Variants in RALGAPB observed in about 807,000 individuals in gnomAD.
RALGAPB encodes the protein Ral GTPase activating protein non-catalytic subunit beta, also known as ral GTPase-activating protein subunit beta.
A neutral mutation model predicts 161.1 loss-of-function variants in RALGAPB; 25 were observed. The ratio of observed to expected loss-of-function variants is 0.16; its 90% CI spans 0.11 to 0.22. The LOEUF is 0.22. Among genes scored for constraint, RALGAPB ranks in the 10% least tolerant of loss-of-function variants. The probability of loss-of-function intolerance (pLI) is 1.00; values close to 1 mark genes in which losing one functional copy is unlikely to be tolerated. For synonymous variants in RALGAPB, 629 were observed against 626.1 expected, an observed-to-expected ratio of 1.00 and a Z score of -0.07; for missense variants, 1,391 against 1,815.2, an observed-to-expected ratio of 0.77 and a Z score of 4.25.
intron 20 of RALGAPB, 147 bp from the exon 21 acceptor site, chr20:38,550,924 T>G: frequency 1.2e-6 from 1 of 866,608 alleles, no homozygotes; most frequent in Non-Finnish European, 1.8e-6. Flanking sequence ...CCTTTGCTGT[T>G]ATCTGTAGCA....
chr20:38,515,005 TTCTC>T (rs562816327), intron 6 of RALGAPB, among the ~76,000 whole-genome samples: 125 of 152,364 alleles, frequency 8.2e-4, no homozygotes, highest in Non-Finnish European at 1.4e-3. Flanking sequence ...GTATGAATCT[TTCTC>T]TCTCCAGTTT....
At chr20:38,549,541 A>ATAT (rs1320905798) in intron 20 of RALGAPB, among the ~76,000 whole-genome samples, 137 of 122,736 alleles carry the variant, frequency 1.1e-3, no homozygotes, top group African/African-American at 3.8e-3. Context: ...ATTAAAAAAA[A>ATAT]AAAAAAAAAT....
chr20:38,568,917 C>A (rs1181717975), intron 26 of RALGAPB: 1 of 152,114 alleles, frequency 6.6e-6, no homozygotes, highest in Non-Finnish European at 1.5e-5. Context: ...CACAGGAGCT[C>A]TTTAAATCTA....
rs745790819 is a variant in RALGAPB, at chr20:38,539,866, T to C, written c.2470T>C (p.Leu824=). The C allele has an allele frequency of 3.1e-6, 5 of 1,614,006 alleles. No homozygotes were observed. The African/African-American group carries it at 6.7e-5, about 22-fold the overall frequency. ...IVYQCSRPAP[L]HSRDLHSMIV... is the part of the protein sequence containing the mutation. ...TTATCAGTGTAGTCGGCCAGCTCCT[T>C]TACACTCCAGGGATCTGCACTCCAT... is the stretch of plus-strand genomic sequence containing the variant. The change falls in exon 17 of 30, where the codon TTA becomes CTA. Residue 824 remains leucine (L), a synonymous_variant. Transcript: ENST00000262879.
chr20:38,497,634 A>G, intron 4 of RALGAPB, 118 bp downstream of exon 4: 1 of 1,109,090 alleles, frequency 9.0e-7, no homozygotes, highest in Non-Finnish European at 1.3e-6. Flanking sequence ...TTTACAAACA[A>G]AGGTTAACAG....
At chr20:38,532,377 T>C (rs1177569758) in intron 14 of RALGAPB, among the ~76,000 whole-genome samples, 2 of 152,130 alleles carry the variant, frequency 1.3e-5, no homozygotes, top group Admixed American at 1.3e-4. Context: ...TTTTTAAGCT[T>C]ATATTTCTGT....
intron 2 of RALGAPB, among the ~76,000 whole-genome samples, chr20:38,489,332 C>G (rs2085209670): frequency 6.6e-6 from 1 of 152,170 alleles, no homozygotes; most frequent in Non-Finnish European, 1.5e-5. Flanking sequence ...ACACATGCCA[C>G]CACGCCAGGC....
intron 7 of RALGAPB, 50 bp downstream of exon 7, chr20:38,516,420 C>T (rs777138186): frequency 1.3e-6 from 2 of 1,517,682 alleles, no homozygotes; most frequent in African/African-American, 2.8e-5. Flanking sequence ...ATTTAGATAA[C>T]TCTAGAGGCT....
intron 6 of RALGAPB, among the ~76,000 whole-genome samples, chr20:38,511,796 C>T (rs1010084565): frequency 3.3e-5 from 5 of 152,196 alleles, no homozygotes; most frequent in Non-Finnish European, 5.9e-5. Context: ...CTTTTCTATT[C>T]GACAAAACCG....
chr20:38,515,782 A>G lies in RALGAPB; in HGVS notation c.873-410A>G, dbSNP rs1454317792. Among the ~76,000 whole-genome samples, 67 of 151,660 alleles carry G rather than the reference A, an allele frequency of 4.4e-4. 1 individual carries two copies. The highest frequency in any genetic ancestry group is 1.2e-3 in the Admixed American group (19 of 15,216). ...CATGTTGCTCTGTTGCTCAGGCTGG[A>G]ATGCATTGGCATGATCATAGCTCAC... On this transcript the variant is annotated intron_variant, in intron 6 of 29. Coordinates refer to ENST00000262879, the MANE Select transcript of RALGAPB (RefSeq NM_020336.4).
At chr20:38,490,791 T>C (rs1380324599) in intron 2 of RALGAPB, among the ~76,000 whole-genome samples, 1 of 152,148 alleles carries the variant, frequency 6.6e-6, no homozygotes, top group Non-Finnish European at 1.5e-5. Context: ...ATTACAGGTG[T>C]GAGCCACTGC....
intron 13 of RALGAPB, 33 bp from the exon 14 acceptor site, chr20:38,531,134 T>G: frequency 6.6e-7 from 1 of 1,515,134 alleles, no homozygotes; most frequent in South Asian, 1.1e-5. Context: ...TCTTGTGTAT[T>G]TTATATAAAA....
intron 3 of RALGAPB, 71 bp from the exon 4 acceptor site, chr20:38,497,282 A>G: frequency 7.0e-7 from 1 of 1,433,420 alleles, no homozygotes; most frequent in East Asian, 2.3e-5. Context: ...CTACATCCAT[A>G]AGTCACCTGT....
chr20:38,547,853 C>T (rs1289597266), intron 19 of RALGAPB: 2 of 152,202 alleles, frequency 1.3e-5, no homozygotes, highest in Non-Finnish European at 2.9e-5. Flanking sequence ...ATTCCTCCAG[C>T]CTCCTACTCC....
At chr20:38,527,035 T>G (rs532808303) in intron 13 of RALGAPB, among the ~76,000 whole-genome samples, 1 of 152,158 alleles carries the variant, frequency 6.6e-6, no homozygotes, top group Non-Finnish European at 1.5e-5. Context: ...CACTGAACCA[T>G]GTGAATGCAA....
At position 38,567,141 on chromosome 20, in the gene RALGAPB, A is replaced by G. The variant is rs778471112; in HGVS notation, c.3863A>G (p.Asn1288Ser). ...SNISDQDSDS[N>S]MDLMPGILKQ... ...ATCTCGGACCAAGATAGTGATTCAAATATGGATCTTATGCCAGGAATTCTG... is the reference window on the plus strand; with the variant it reads ...ATCTCGGACCAAGATAGTGATTCAAGTATGGATCTTATGCCAGGAATTCTG... Residue 1288 changes from asparagine to serine, a missense_variant, in exon 26 of 30, where the codon AAT becomes AGT. Coordinates refer to ENST00000262879, the MANE Select transcript of RALGAPB (RefSeq NM_020336.4). The G allele has an allele frequency of 6.8e-6, 11 of 1,613,652 alleles. No individual in the cohort carries two copies. The highest frequency in any genetic ancestry group is 8.5e-6 in the Non-Finnish European group (10 of 1,179,752).
intron 22 of RALGAPB, among the ~76,000 whole-genome samples, 187 bp from the exon 23 acceptor site, chr20:38,558,108 G>A (rs1462739974): frequency 6.6e-6 from 1 of 152,062 alleles, no homozygotes; most frequent in Non-Finnish European, 1.5e-5. Context: ...TTAAAAAGAG[G>A]CAAATAAAAG....
At chr20:38,511,785 G>A (rs201949653) in intron 6 of RALGAPB, among the ~76,000 whole-genome samples, 8 of 152,100 alleles carry the variant, frequency 5.3e-5, no homozygotes, top group Admixed American at 2.6e-4. Context: ...CACATTTCCC[G>A]CTTTTCTATT....
intron 6 of RALGAPB, among the ~76,000 whole-genome samples, chr20:38,510,387 T>C (rs942321094): frequency 2.0e-5 from 3 of 152,208 alleles, no homozygotes; most frequent in African/African-American, 4.8e-5. Flanking sequence ...ATTTTAACTT[T>C]ATAATATTTA....
Sources: gnomAD v4.1 joint callset for allele counts (sites outside exome capture counted in the v4.1 genomes callset) on GRCh38, gnomAD v4.1.1 for gene constraint, MANE v1.5 for transcripts, NCBI Gene and HGNC (gene_info 2026-07-23, HGNC 2026-07-21) for gene names.